The following SPTA1 variants were observed in gnomAD, a reference collection of about 807,000 sequenced individuals.
SPTA1 encodes the protein spectrin alpha, erythrocytic 1.
Under a neutral mutation model 324.7 loss-of-function variants are expected in SPTA1, and 177 were observed. That is an observed-to-expected ratio of 0.55 (90% CI 0.48 to 0.62). The LOEUF (loss-of-function observed/expected upper bound fraction) is 0.62. SPTA1 is among the 20% of genes least tolerant of loss of function. SPTA1 has a pLI of 0.00. For missense variants in SPTA1, 3,162 were observed against 2,883.6 expected (o/e 1.10, Z -2.21); for synonymous variants, 1,195 against 1,041.3 (o/e 1.15, Z -2.84).
intron 39 of SPTA1, among the ~76,000 whole-genome samples, chr1:158,632,006 C>T (rs1291994221): frequency 6.6e-6 from 1 of 152,050 alleles, no homozygotes; most frequent in East Asian, 1.9e-4. Flanking sequence ...ATGTTCATTG[C>T]AGCATTATTA....
chr1:158,647,867 C>T (rs1003549022), intron 26 of SPTA1, 147 bp from the exon 27 acceptor site: 39 of 840,020 alleles, frequency 4.6e-5, no homozygotes, highest in Middle Eastern at 6.0e-4. Flanking sequence ...ATAATATCAA[C>T]CTTTTAGTCC....
intron 22 of SPTA1, 83 bp downstream of exon 22, chr1:158,653,191 A>C (rs1361441501): frequency 6.3e-7 from 1 of 1,583,634 alleles, no homozygotes; most frequent in African/African-American, 1.3e-5. Flanking sequence ...CAAATCTAAC[A>C]GATGCAGGGT....
intron 39 of SPTA1, 130 bp downstream of exon 39, chr1:158,634,413 G>C: frequency 7.3e-7 from 1 of 1,361,030 alleles, no homozygotes. Flanking sequence ...AAAACTGTCA[G>C]GATTATTCGT....
chr1:158,649,399 C>A (rs1335072696), intron 25 of SPTA1, among the ~76,000 whole-genome samples: 1 of 152,202 alleles, frequency 6.6e-6, no homozygotes, highest in African/African-American at 2.4e-5. Flanking sequence ...CCCAGCTCAA[C>A]CTCCCAAGTA....
chr1:158,678,991 T>G (rs917727641), intron 5 of SPTA1, among the ~76,000 whole-genome samples: 1 of 152,178 alleles, frequency 6.6e-6, no homozygotes, highest in Non-Finnish European at 1.5e-5. Context: ...CTTCCCAGAA[T>G]TATAGACACG....
chr1:158,680,340 T>G (rs1654710704), intron 5 of SPTA1, among the ~76,000 whole-genome samples: 1 of 152,144 alleles, frequency 6.6e-6, no homozygotes, highest in African/African-American at 2.4e-5. Flanking sequence ...ATTGTGTATT[T>G]AATTTCTCCA....
chr1:158,619,316 G>C lies in SPTA1; in HGVS notation c.6436C>G (p.Gln2146Glu). Residue 2146 changes from glutamine to glutamate, a missense_variant, in exon 45 of 52, where the codon CAA (glutamine) becomes GAA (glutamate). Physicochemically the swap from Gln to Glu is conservative, Grantham distance 29. Transcript: ENST00000643759. ...DIIEEREQEL[Q>E]KEEARQVKNF... ...TTGACCTGTCTTGCCTCTTCCTTTTGCAGCTCCTGCTCCCGTTCCTAAAAC... is the reference window on the plus strand; with the variant it reads ...TTGACCTGTCTTGCCTCTTCCTTTTCCAGCTCCTGCTCCCGTTCCTAAAAC... 6.2e-7 allele frequency: 1 copy of C among 1,614,112 alleles called. No homozygotes were observed. Among genetic ancestry groups the C allele is most frequent in the South Asian group, 1.1e-5 (1 of 91,082 alleles).
rs1650747157 is a variant in SPTA1 at position 158,632,461 on chromosome 1, A to G, written c.5565+2082T>C. Reference sequence around the variant, plus strand: ...TGTTCAGTGTTTTTGTCACAATAAAACAAATCAAAATGAACAAACTAACAA... The same window carrying G: ...TGTTCAGTGTTTTTGTCACAATAAAGCAAATCAAAATGAACAAACTAACAA... On this transcript the variant is annotated intron_variant, in intron 39 of 51. Coordinates refer to ENST00000643759, the MANE Select transcript of SPTA1 (RefSeq NM_003126.4). Among the ~76,000 whole-genome samples the G allele has an allele frequency of 2.0e-5, 3 of 152,350 alleles. No homozygotes were observed. In the South Asian group the frequency reaches 6.2e-4, roughly 32 times the overall value.
chr1:158,638,388 G>A lies in SPTA1; in HGVS notation c.4981-147C>T, dbSNP rs10908687. On this transcript the variant is annotated intron_variant, in intron 35 of 51. Coordinates refer to ENST00000643759, the MANE Select transcript of SPTA1 (RefSeq NM_003126.4). Reference sequence around the variant, plus strand: ...GTTTGATTATGTGTTATACATGTTAGCATATGTTCAGGTTGGAGAAGGGCC... The same window carrying A: ...GTTTGATTATGTGTTATACATGTTAACATATGTTCAGGTTGGAGAAGGGCC... 0.27 allele frequency: 217,023 copies of A among 812,534 alleles called. 30,368 individuals carry two copies. The highest frequency in any genetic ancestry group is 0.28 in the Non-Finnish European group (137,082 of 491,762). The allele number at this position is 812,534 out of a possible 1,614,324, so 50.3% of individuals were successfully genotyped here. A position where few individuals can be genotyped will look rare whatever the true frequency, so the allele number is the denominator to read the frequency against.
chr1:158,649,322 A>G (rs780238278), intron 25 of SPTA1, among the ~76,000 whole-genome samples: 1 of 152,124 alleles, frequency 6.6e-6, no homozygotes, highest in Non-Finnish European at 1.5e-5. Flanking sequence ...CTCTGTTGCA[A>G]TAGGCTGGAG....
rs1652088864 is a variant in SPTA1 at position 158,647,560 on chromosome 1, T to C, written c.3875A>G (p.Tyr1292Cys). Residue 1292 changes from tyrosine to cysteine, a missense_variant, in exon 27 of 52, where the codon TAC becomes TGC. Coordinates refer to ENST00000643759, the MANE Select transcript of SPTA1 (RefSeq NM_003126.4). ...CTACCTGGCCTTGCTGAGGAACAGGTAGAATTTCTGGGCCTCATTTAGGCT... is the reference window on the plus strand; with the variant it reads ...CTACCTGGCCTTGCTGAGGAACAGGCAGAATTTCTGGGCCTCATTTAGGCT... ...KESLNEAQKF[Y>C]LFLSKARDLQ... 1 of 1,613,378 alleles carries C rather than the reference T, an allele frequency of 6.2e-7. No individual in the cohort carries two copies. The highest frequency in any genetic ancestry group is 1.3e-5 in the African/African-American group (1 of 74,872).
intron 10 of SPTA1, among the ~76,000 whole-genome samples, chr1:158,673,021 C>T (rs1170259884): frequency 6.6e-6 from 1 of 151,954 alleles, no homozygotes; most frequent in African/African-American, 2.4e-5. Flanking sequence ...ATTCAGGAGG[C>T]TGAGGCAGGA....
chr1:158,628,753 A>G (rs1186776042), intron 39 of SPTA1, among the ~76,000 whole-genome samples: 2 of 152,132 alleles, frequency 1.3e-5, no homozygotes, highest in African/African-American at 4.8e-5. Context: ...AAGAAGAAAC[A>G]TTAGAACTGT....
At chr1:158,642,335 T>C (rs1393016158) in intron 33 of SPTA1, 76 bp downstream of exon 33, 3 of 1,456,496 alleles carry the variant, frequency 2.1e-6, no homozygotes, top group Non-Finnish European at 2.7e-6. Context: ...AAAAATACAA[T>C]AAATTAAAAA....
intron 17 of SPTA1, among the ~76,000 whole-genome samples, chr1:158,661,693 T>A (rs1333555398): frequency 1.3e-5 from 2 of 152,188 alleles, no homozygotes; most frequent in Admixed American, 1.3e-4. Context: ...AACTTCTTAG[T>A]TCAAATGTCC....
intron 38 of SPTA1, 150 bp from the exon 39 acceptor site, chr1:158,634,825 G>T: frequency 1.2e-6 from 1 of 851,316 alleles, no homozygotes; most frequent in Non-Finnish European, 1.9e-6. Flanking sequence ...TATAATAGGT[G>T]CCTACTGCTC....
intron 21 of SPTA1, among the ~76,000 whole-genome samples, chr1:158,653,775 T>C (rs903209205): frequency 8.6e-5 from 13 of 151,112 alleles, no homozygotes; most frequent in African/African-American, 2.7e-4. Flanking sequence ...CAGTGGAGCG[T>C]CTGTGTAAGA....
intron 18 of SPTA1, among the ~76,000 whole-genome samples, chr1:158,660,750 C>T (rs1653153133): frequency 6.6e-6 from 1 of 152,182 alleles, no homozygotes; most frequent in African/African-American, 2.4e-5. Context: ...ATCTGCACTG[C>T]TTATACCATA....
Position 158,648,634 on chromosome 1 carries a change from C to G in SPTA1, c.3589G>C (p.Glu1197Gln), listed in dbSNP as rs200985856. ...GCCTGGCATTTCTTCTCAATCTGCT[C>G]CTTCGTGTCATCTGCTTCTCTGGTA... The part of the protein sequence containing the change: ...VFHREADDTK[E>Q]QIEKKCQALS... Residue 1197 changes from glutamate (E) to glutamine (Q), a missense_variant, in exon 26 of 52, where the codon GAG becomes CAG. By Grantham distance (29) the Glu-to-Gln change is conservative. Transcript: ENST00000643759. 3.0e-5 allele frequency: 49 copies of G among 1,613,658 alleles called. No homozygotes were observed. In the African/African-American group the frequency reaches 6.5e-4, roughly 22 times the overall value.
Sources: allele counts gnomAD v4.1 joint callset (sites outside exome capture counted in the v4.1 genomes callset), GRCh38; gene constraint gnomAD v4.1.1; transcripts MANE v1.5; gene names NCBI Gene and HGNC (gene_info 2026-07-23, HGNC 2026-07-21).